The following ENPP3 variants were observed in gnomAD, a reference collection of about 807,000 sequenced individuals.
ENPP3 encodes ectonucleotide pyrophosphatase/phosphodiesterase family member 3.
ENPP3 carries 104 observed loss-of-function variants against 117.8 expected under a neutral mutation model. That is an observed-to-expected ratio of 0.88 (90% CI 0.75 to 1.04). ENPP3 has a LOEUF of 1.04. Among genes scored for constraint, ENPP3 ranks in the 50% least tolerant of loss-of-function variants. The pLI, the probability that ENPP3 is intolerant of heterozygous loss-of-function variation, is 0.00. For synonymous variants in ENPP3, 380 were observed against 349.9 expected (o/e 1.09, Z -0.96); for missense variants, 1,026 against 1,051.9 (o/e 0.98, Z 0.34).
Position 131,747,126 on chromosome 6 carries a change from G to T in ENPP3, c.*170G>T. ...TCTCTTTTTTCAATTCTATGAATATGTATTATTTTAAAGTTATATTTTTCA... is the reference window on the plus strand; with the variant it reads ...TCTCTTTTTTCAATTCTATGAATATTTATTATTTTAAAGTTATATTTTTCA... On this transcript the variant is annotated 3_prime_UTR_variant, in exon 25 of 25. Coordinates refer to ENST00000357639, the MANE Select transcript of ENPP3 (RefSeq NM_005021.5). 1 of 436,752 alleles carries T rather than the reference G, an allele frequency of 2.3e-6. No homozygotes were observed. The highest frequency in any genetic ancestry group is 4.0e-6 in the Non-Finnish European group (1 of 252,132). The allele number at this position is 436,752 out of a possible 1,614,324, so 27.1% of individuals were successfully genotyped here.
intron 17 of ENPP3, among the ~76,000 whole-genome samples, chr6:131,720,861 G>A (rs1374235031): frequency 1.3e-5 from 2 of 151,990 alleles, no homozygotes; most frequent in Admixed American, 6.6e-5. Flanking sequence ...CTAAGATTAC[G>A]GGCATGAGCT....
chr6:131,730,563 T>C (rs143576894), intron 20 of ENPP3, among the ~76,000 whole-genome samples: 1 of 152,348 alleles, frequency 6.6e-6, no homozygotes, highest in East Asian at 1.9e-4. Context: ...TTACTCTGCC[T>C]ATACACTTAA....
At chr6:131,658,287 C>T (rs201363351) in intron 5 of ENPP3, 36 bp from the exon 6 acceptor site, 24 of 1,151,602 alleles carry the variant, frequency 2.1e-5, no homozygotes, top group Non-Finnish European at 3.2e-5. Flanking sequence ...ATGTAGCTAT[C>T]CAAAACAATG....
intron 10 of ENPP3, 23 bp from the exon 11 acceptor site, chr6:131,677,845 T>A: frequency 6.8e-7 from 1 of 1,473,114 alleles, no homozygotes; most frequent in Non-Finnish European, 9.5e-7. Flanking sequence ...GATAATATAT[T>A]TCTGTTTCAA....
At chr6:131,678,917 CTTTCTTTCTTTCTTTCTT>C (rs1562446427) in intron 11 of ENPP3, among the ~76,000 whole-genome samples, 33 of 66,554 alleles carry the variant, frequency 5.0e-4, no homozygotes, top group African/African-American at 2.4e-3. Context: ...CTCTTTCTTT[CTTTCTTTCTTTCTTTCTT>C]TCTTTCTTTC....
At chr6:131,681,857 G>A (rs1353842654) in intron 11 of ENPP3, among the ~76,000 whole-genome samples, 1 of 152,072 alleles carries the variant, frequency 6.6e-6, no homozygotes, top group East Asian at 1.9e-4. Context: ...TGGGGGATGG[G>A]GAGAGGGAGT....
chr6:131,661,556 T>C (rs1384027946), intron 6 of ENPP3, among the ~76,000 whole-genome samples: 2 of 152,158 alleles, frequency 1.3e-5, no homozygotes, highest in Admixed American at 1.3e-4. Context: ...CCTCCCAAAG[T>C]GCTGATTACA....
chr6:131,654,450 T>A (rs1402363962), intron 5 of ENPP3, among the ~76,000 whole-genome samples: 5 of 152,012 alleles, frequency 3.3e-5, no homozygotes, highest in African/African-American at 7.3e-5. Flanking sequence ...AGTGGAGGCA[T>A]TTTTTGTTTC....
intron 1 of ENPP3, among the ~76,000 whole-genome samples, chr6:131,639,287 CT>C (rs140309075): frequency 0.14 from 13,035 of 95,558 alleles, 1,240 homozygotes; most frequent in East Asian, 0.3. Flanking sequence ...TTCTCTCTCT[CT>C]TTTTTTTGGA....
chr6:131,737,580 C>T, intron 22 of ENPP3, 148 bp downstream of exon 22: 1 of 526,320 alleles, frequency 1.9e-6, no homozygotes, highest in Non-Finnish European at 3.3e-6. Context: ...TAGGAAGGAT[C>T]CCTCACATAG....
At chr6:131,677,777 C>A in intron 10 of ENPP3, 91 bp from the exon 11 acceptor site, 1 of 812,074 alleles carries the variant, frequency 1.2e-6, no homozygotes, top group Non-Finnish European at 2.1e-6. Context: ...AAGGCAATGG[C>A]TAGCAAGCCC....
At chr6:131,684,988 T>C (rs1779120818) in intron 12 of ENPP3, among the ~76,000 whole-genome samples, 1 of 152,094 alleles carries the variant, frequency 6.6e-6, no homozygotes, top group Non-Finnish European at 1.5e-5. Context: ...GTTTATCATG[T>C]TGGCTAGGCT....
chr6:131,664,092 C>T (rs1778565260), intron 6 of ENPP3, among the ~76,000 whole-genome samples: 1 of 152,118 alleles, frequency 6.6e-6, no homozygotes, highest in East Asian at 1.9e-4. Context: ...AAAATGTTAA[C>T]TATAAAACAG....
chr6:131,651,288 C>T (rs1358632869), intron 3 of ENPP3, among the ~76,000 whole-genome samples: 1 of 152,192 alleles, frequency 6.6e-6, no homozygotes, highest in Non-Finnish European at 1.5e-5. Context: ...GGGACTTCAA[C>T]ATATTTTTAG....
chr6:131,675,820 C>T (rs1034217331), intron 9 of ENPP3, among the ~76,000 whole-genome samples: 12 of 152,014 alleles, frequency 7.9e-5, no homozygotes, highest in African/African-American at 2.2e-4. Context: ...CCAGCCTGGG[C>T]GACAGAGCGC....
rs543933883 is a variant in ENPP3 at position 131,665,739 on chromosome 6, C to T, written c.563-5509C>T. On this transcript the variant is annotated intron_variant, in intron 6 of 24. Transcript: ENST00000357639. The stretch of plus-strand genomic sequence containing the variant: ...CCATTCTCTATTTCATTTCTTCTTG[C>T]ATCTTTTCTTTTTTCTGCTAAACTT... Among the ~76,000 whole-genome samples the T allele has an allele frequency of 5.3e-5, 8 of 152,042 alleles. No individual in the cohort carries two copies. The South Asian group carries it at 1.7e-3, about 32-fold the overall frequency.
intron 7 of ENPP3, among the ~76,000 whole-genome samples, chr6:131,672,836 A>G (rs914867097): frequency 7.9e-5 from 12 of 152,068 alleles, no homozygotes; most frequent in African/African-American, 2.9e-4. Context: ...GCATTTAATG[A>G]AAATGTGTGG....
chr6:131,653,215 G>A (rs982712274), intron 5 of ENPP3, among the ~76,000 whole-genome samples: 2 of 152,048 alleles, frequency 1.3e-5, no homozygotes, highest in East Asian at 3.9e-4. Flanking sequence ...CTGCAGTCTT[G>A]ACCTCCCAGA....
At chr6:131,679,022 C>CT (rs1778952637) in intron 11 of ENPP3, among the ~76,000 whole-genome samples, 4 of 59,120 alleles carry the variant, frequency 6.8e-5, no homozygotes, top group African/African-American at 7.7e-5. Context: ...TCCTTCCTTC[C>CT]TTCCTTCTTT....
Sources: gnomAD v4.1 joint callset for allele counts (sites outside exome capture counted in the v4.1 genomes callset) on GRCh38, gnomAD v4.1.1 for gene constraint, MANE v1.5 for transcripts, NCBI Gene and HGNC (gene_info 2026-07-23, HGNC 2026-07-21) for gene names.